PCDHGB2: variants seen among roughly 807,000 people sequenced by gnomAD.
The protein encoded by PCDHGB2 is protocadherin gamma subfamily B, 2, also known as protocadherin gamma-B2.
Under a neutral mutation model 59.3 loss-of-function variants are expected in PCDHGB2, and 55 were observed. The observed-to-expected ratio is 0.93, with a 90% CI of 0.75 to 1.16. The LOEUF is 1.16. Among genes scored for constraint, PCDHGB2 ranks in the 50% most tolerant of loss-of-function variants. The pLI is 0.00. For synonymous variants in PCDHGB2, 516 were observed against 512.0 expected (o/e 1.01, Z -0.11); for missense variants, 1,228 against 1,198.5 (o/e 1.02, Z -0.36).
In PCDHGB2 at chr5:141,375,324, A is replaced by C. The variant is rs751354618; in HGVS notation, c.2421+12768A>C. On this transcript the variant is annotated intron_variant, in intron 1 of 3. Coordinates refer to ENST00000522605, the MANE Select transcript of PCDHGB2 (RefSeq NM_018923.3). ...ACAAATGCAGCTCTAGACCGGGAAGAGGTATTCTTGTACAACATCACTGTG... is the reference window on the plus strand; with the variant it reads ...ACAAATGCAGCTCTAGACCGGGAAGCGGTATTCTTGTACAACATCACTGTG... 1.9e-6 allele frequency: 3 copies of C among 1,613,688 alleles called. No homozygotes were observed. In the African/African-American group the frequency reaches 4.0e-5, roughly 22 times the overall value.
At chr5:141,385,369 G>A in intron 1 of PCDHGB2, 1 of 1,532,174 alleles carries the variant, frequency 6.5e-7, no homozygotes, top group East Asian at 2.3e-5. Flanking sequence ...TTATTTGCAT[G>A]ATATTTCTCT....
At chr5:141,480,935 C>G (rs1297213622) in intron 1 of PCDHGB2, among the ~76,000 whole-genome samples, 1 of 152,092 alleles carries the variant, frequency 6.6e-6, no homozygotes, top group Non-Finnish European at 1.5e-5. Flanking sequence ...GTCCCAGCTA[C>G]TCTAGAGGCT....
intron 1 of PCDHGB2, chr5:141,367,582 A>G (rs1339166243): frequency 6.6e-6 from 1 of 150,954 alleles, no homozygotes; most frequent in Admixed American, 6.6e-5. Flanking sequence ...ATATCAGAAA[A>G]GTAGATAAAA....
At chr5:141,483,487 A>G (rs777951096) in intron 1 of PCDHGB2, among the ~76,000 whole-genome samples, 4 of 152,006 alleles carry the variant, frequency 2.6e-5, no homozygotes, top group Non-Finnish European at 5.9e-5. Context: ...AGTGAGGGAC[A>G]GGGATGAGTC....
Position 141,485,369 on chromosome 5 carries a change from G to T in PCDHGB2, c.2422-9438G>T. On this transcript the variant is annotated intron_variant, in intron 1 of 3. Transcript: ENST00000522605. This position sits in a 1 kb window ranked among gnomAD's most constrained non-coding sequence, Gnocchi z 5.7. ...CAGTCTGTCAGCTCGCAGGCTGCAG[G>T]TCGCTGGAGAGGTGAACCAAAGACA... 1 of 1,614,154 alleles carries T rather than the reference G, an allele frequency of 6.2e-7. No individual in the cohort carries two copies. The highest frequency in any genetic ancestry group is 1.1e-5 in the South Asian group (1 of 91,088).
At position 141,476,683 on chromosome 5, in the gene PCDHGB2, C is replaced by T; in HGVS notation, c.2422-18124C>T. The T allele has an allele frequency of 1.9e-6, 3 of 1,614,242 alleles. No homozygotes were observed. Among genetic ancestry groups the T allele is most frequent in the Non-Finnish European group, 2.5e-6 (3 of 1,180,052 alleles). ...CGCTTCGCGTGCAGACGCGGGAGGA[C>T]AGCACCAAGTACGCGGAGCTGGTGT... On this transcript the variant is annotated intron_variant, in intron 1 of 3. Coordinates refer to ENST00000522605, the MANE Select transcript of PCDHGB2 (RefSeq NM_018923.3). The surrounding 1 kb of genome is among the most constrained non-coding windows in gnomAD (Gnocchi z 7.6).
At chr5:141,455,552 G>T (rs897699654) in intron 1 of PCDHGB2, among the ~76,000 whole-genome samples, 1 of 152,144 alleles carries the variant, frequency 6.6e-6, no homozygotes, top group African/African-American at 2.4e-5. Flanking sequence ...CGTAGCCCGA[G>T]AAAAAGCTGG....
rs141959335 is a variant in PCDHGB2, at chr5:141,491,261, T to C, written c.2422-3546T>C. On this transcript the variant is annotated intron_variant, in intron 1 of 3. Transcript: ENST00000522605. This position sits in a 1 kb window ranked among gnomAD's most constrained non-coding sequence, Gnocchi z 6.9. Reference sequence around the variant, plus strand: ...CTGGAGGATGAGGACCCTGAGGAAATGCCCAAATCCAGTGACTTCCTCATA... The same window carrying C: ...CTGGAGGATGAGGACCCTGAGGAAACGCCCAAATCCAGTGACTTCCTCATA... 104 of 1,614,044 alleles carry C rather than the reference T, an allele frequency of 6.4e-5. No individual in the cohort carries two copies. Among genetic ancestry groups the C allele is most frequent in the Non-Finnish European group, 8.1e-5 (95 of 1,180,028 alleles).
chr5:141,487,616 G>A lies in PCDHGB2; in HGVS notation c.2422-7191G>A. On this transcript the variant is annotated intron_variant, in intron 1 of 3. Transcript: ENST00000522605. This position sits in a 1 kb window ranked among gnomAD's most constrained non-coding sequence, Gnocchi z 5.0. ...CTCTGATCTTCTCTATGGGCTAGAG[G>A]TGAGACCTTTGCAGGCTCAACAAAT... 2 of 1,614,220 alleles carry A rather than the reference G, an allele frequency of 1.2e-6. No homozygotes were observed. The highest frequency in any genetic ancestry group is 1.7e-6 in the Non-Finnish European group (2 of 1,180,044).
In PCDHGB2 at chr5:141,511,539, C is replaced by CGAGAT; in HGVS notation, c.*366_*367insGAGAT. 3.0e-6 allele frequency: 1 copy of CGAGAT among 328,342 alleles called. No individual in the cohort carries two copies. Among genetic ancestry groups the CGAGAT allele is most frequent in the South Asian group, 3.2e-5 (1 of 31,708 alleles). 20.3% of individuals were successfully genotyped at this position (328,342 alleles called of 1,614,324 possible). On this transcript the variant is annotated 3_prime_UTR_variant, in exon 4 of 4. Transcript: ENST00000522605. ...CATCCCATGCCTCCCTCCTCCCCAC[C>CGAGAT]CCACTCCAACAGTTCCTCTTTCCCG...
chr5:141,411,868 A>AG (rs1463496640), intron 1 of PCDHGB2: 1 of 152,224 alleles, frequency 6.6e-6, no homozygotes, highest in East Asian at 1.9e-4. Flanking sequence ...TCAAAAAAAA[A>AG]AGACATTTCT....
chr5:141,481,691 C>T (rs929210528), intron 1 of PCDHGB2, among the ~76,000 whole-genome samples: 7 of 152,080 alleles, frequency 4.6e-5, no homozygotes, highest in African/African-American at 1.4e-4. Flanking sequence ...TGGTGGCTCA[C>T]GCCTGTAATC....
intron 1 of PCDHGB2, chr5:141,440,587 A>G (rs566819394): frequency 1.3e-5 from 2 of 152,392 alleles, no homozygotes; most frequent in East Asian, 3.9e-4. Flanking sequence ...CCCAGCTGGA[A>G]CAAGATTTGC....
chr5:141,392,881 T>C, intron 1 of PCDHGB2: 6 of 1,613,564 alleles, frequency 3.7e-6, no homozygotes, highest in Non-Finnish European at 5.1e-6. Context: ...CTGGGAACGC[T>C]GTGGGAAATC....
At chr5:141,497,461 A>G (rs541848982) in intron 2 of PCDHGB2, among the ~76,000 whole-genome samples, 2 of 151,526 alleles carry the variant, frequency 1.3e-5, no homozygotes, top group Admixed American at 1.3e-4. Context: ...GCTCTTGGAG[A>G]TATGGAGGAG....
rs2097370658 is a variant in PCDHGB2 at position 141,431,413 on chromosome 5, C to T, written c.2422-63394C>T. The T allele has an allele frequency of 1.2e-6, 2 of 1,613,564 alleles. No homozygotes were observed. Among genetic ancestry groups the T allele is most frequent in the African/African-American group, 2.7e-5 (2 of 74,952 alleles). ...TGGTCCTTACGGCCTCCGACGGGGG[C>T]GACCCGGTGCGCACAGGCACCGCGC... On this transcript the variant is annotated intron_variant, in intron 1 of 3. Transcript: ENST00000522605. This position sits in a 1 kb window ranked among gnomAD's most constrained non-coding sequence, Gnocchi z 4.8.
chr5:141,464,208 T>G (rs915798868), intron 1 of PCDHGB2, among the ~76,000 whole-genome samples: 1 of 148,120 alleles, frequency 6.8e-6, no homozygotes, highest in Admixed American at 6.9e-5. Context: ...GAGATTGCAG[T>G]GAGCTGAGAT....
intron 2 of PCDHGB2, 114 bp from the exon 3 acceptor site, chr5:141,505,279 C>T: frequency 6.5e-7 from 1 of 1,541,274 alleles, no homozygotes; most frequent in Non-Finnish European, 8.7e-7. Context: ...AGAAACAGGT[C>T]TTGGGCATGG....
intron 1 of PCDHGB2, chr5:141,400,541 T>C: frequency 6.2e-7 from 1 of 1,613,832 alleles, no homozygotes; most frequent in Admixed American, 1.7e-5. Flanking sequence ...TTCATTTATG[T>C]CTATTCTTTT....
Sources: gnomAD v4.1 joint callset for allele counts (sites outside exome capture counted in the v4.1 genomes callset) on GRCh38, gnomAD v4.1.1 for gene constraint, Gnocchi (gnomAD v3.1) non-coding constraint, MANE v1.5 for transcripts, NCBI Gene and HGNC (gene_info 2026-07-23, HGNC 2026-07-21) for gene names.